ST18: variants seen among roughly 807,000 people sequenced by gnomAD.
ST18 encodes ST18 C2H2C-type zinc finger transcription factor, also known as suppression of tumorigenicity 18 protein.
In ST18, 50 loss-of-function variants were observed where a neutral mutation model predicts 110.0. The ratio of observed to expected loss-of-function variants is 0.45; its 90% CI spans 0.36 to 0.58. The LOEUF is 0.58. ST18 is among the 20% of genes least tolerant of loss of function. The pLI is 0.00. For synonymous variants in ST18, 461 were observed against 452.4 expected (o/e 1.02, Z -0.24); for missense variants, 1,306 against 1,280.1 (o/e 1.02, Z -0.31).
At chr8:52,287,223 T>C (rs990877254) in intron 2 of ST18, among the ~76,000 whole-genome samples, 2 of 152,224 alleles carry the variant, frequency 1.3e-5, no homozygotes, top group African/African-American at 2.4e-5. Context: ...CAAATTTCTA[T>C]GTACATAGAA....
At chr8:52,376,193 CTACTCAGAG>C (rs1314075852) in intron 2 of ST18, among the ~76,000 whole-genome samples, 4 of 152,206 alleles carry the variant, frequency 2.6e-5, no homozygotes, top group African/African-American at 7.2e-5. Flanking sequence ...TTTCCCCACA[CTACTCAGAG>C]TACAAGCCAA....
chr8:52,190,757 T>C (rs1242183522), intron 8 of ST18, among the ~76,000 whole-genome samples: 1 of 152,106 alleles, frequency 6.6e-6, no homozygotes, highest in Non-Finnish European at 1.5e-5. Flanking sequence ...GACCATCCCA[T>C]TGTAAATGTT....
chr8:52,379,606 GA>G (rs898266153), intron 2 of ST18, among the ~76,000 whole-genome samples: 2 of 150,030 alleles, frequency 1.3e-5, no homozygotes, highest in Non-Finnish European at 3.0e-5. Flanking sequence ...GGTAAATATT[GA>G]AAAAAAATTA....
chr8:52,124,861 A>AGCTCGAGT (rs3030265), intron 23 of ST18, among the ~76,000 whole-genome samples: 44,394 of 151,338 alleles, frequency 0.29, 9,746 homozygotes, highest in African/African-American at 0.63. Context: ...AACAGTAGGA[A>AGCTCGAGT]GCTTTCCCTC....
chr8:52,136,684 C>T (rs2131763642), intron 18 of ST18, 26 bp from the exon 19 acceptor site: 1 of 1,573,932 alleles, frequency 6.4e-7, no homozygotes, highest in East Asian at 2.3e-5. Context: ...GAAAAAAACA[C>T]AACACAACAC....
At chr8:52,282,512 G>C (rs1470013084) in intron 2 of ST18, among the ~76,000 whole-genome samples, 3 of 152,158 alleles carry the variant, frequency 2.0e-5, no homozygotes, top group Non-Finnish European at 4.4e-5. Flanking sequence ...AACGCACTAA[G>C]GATAGCCCCA....
At chr8:52,392,433 T>C (rs1287429814) in intron 2 of ST18, among the ~76,000 whole-genome samples, 1 of 152,044 alleles carries the variant, frequency 6.6e-6, no homozygotes, top group Non-Finnish European at 1.5e-5. Context: ...ACATGAGGCA[T>C]GAGGTTAGCA....
At chr8:52,348,416 C>A (rs569414713) in intron 2 of ST18, among the ~76,000 whole-genome samples, 1 of 148,324 alleles carries the variant, frequency 6.7e-6, no homozygotes, top group Non-Finnish European at 1.5e-5. Context: ...ACTGTCCTGT[C>A]TTCTTCTATT....
chr8:52,141,920 CG>C (rs1563650764), intron 17 of ST18, among the ~76,000 whole-genome samples: 1 of 152,096 alleles, frequency 6.6e-6, no homozygotes, highest in Non-Finnish European at 1.5e-5. Flanking sequence ...GGTCCCAGGA[CG>C]GAGATCAGAG....
At chr8:52,172,672 C>G in intron 9 of ST18, 89 bp from the exon 10 acceptor site, 1 of 948,116 alleles carries the variant, frequency 1.1e-6, no homozygotes, top group Non-Finnish European at 1.5e-6. Flanking sequence ...TAAACATATG[C>G]ATTCACATAC....
At chr8:52,243,739 A>G (rs1253558619) in intron 2 of ST18, among the ~76,000 whole-genome samples, 2 of 152,338 alleles carry the variant, frequency 1.3e-5, no homozygotes, top group South Asian at 2.1e-4. Flanking sequence ...ATTGCCACAT[A>G]TATCATCATT....
At position 52,197,661 on chromosome 8, in the gene ST18, A is replaced by G. The variant is rs140350375; in HGVS notation, c.86+14418T>C. ...AAATCTGAAGAAGGAAAGATAAAAT[A>G]AAAAGAAGGAACAGTGAGAAAGAGT... On this transcript the variant is annotated intron_variant, in intron 8 of 25. Coordinates refer to ENST00000689386, the MANE Select transcript of ST18 (RefSeq NM_001352837.2). Among the ~76,000 whole-genome samples, 630 of 152,300 alleles carry G rather than the reference A, an allele frequency of 4.1e-3. 7 individuals carry two copies. The highest frequency in any genetic ancestry group is 0.015 in the African/African-American group (609 of 41,564).
intron 8 of ST18, among the ~76,000 whole-genome samples, chr8:52,200,169 A>C (rs1341742495): frequency 7.0e-6 from 1 of 143,082 alleles, no homozygotes; most frequent in Non-Finnish European, 1.5e-5. Flanking sequence ...CCTGCTCCAC[A>C]AAACTTATAT....
chr8:52,269,992 C>CA (rs1490619980), intron 2 of ST18, among the ~76,000 whole-genome samples: 1 of 150,668 alleles, frequency 6.6e-6, no homozygotes, highest in Non-Finnish European at 1.5e-5. Context: ...TTAATCATGG[C>CA]AAAACCACAT....
At chr8:52,223,065 T>C (rs904233847) in intron 3 of ST18, among the ~76,000 whole-genome samples, 4 of 152,322 alleles carry the variant, frequency 2.6e-5, no homozygotes, top group African/African-American at 7.2e-5. Flanking sequence ...GATGATGACA[T>C]GGCTTCGCTT....
chr8:52,144,825 T>A (rs2056655810), intron 16 of ST18, among the ~76,000 whole-genome samples: 2 of 152,110 alleles, frequency 1.3e-5, no homozygotes, highest in Admixed American at 6.5e-5. Context: ...GATTAACACT[T>A]ACCTTTCAAA....
chr8:52,118,290 C>T lies in ST18; in HGVS notation c.2859+48G>A, dbSNP rs115719971. ...TAAAATTTCAATGTTTTGTTTCCAC[C>T]AAAGATTATGATTACATTAAGGATC... is the stretch of plus-strand genomic sequence containing the variant. On this transcript the variant is annotated intron_variant, in intron 24 of 25. Coordinates refer to ENST00000689386, the MANE Select transcript of ST18 (RefSeq NM_001352837.2). 1.5e-3 allele frequency: 1,969 copies of T among 1,292,568 alleles called. 26 individuals carry two copies. In the African/African-American group the frequency reaches 0.027, roughly 18 times the overall value. The allele number at this position is 1,292,568 out of a possible 1,614,324, so 80.1% of individuals were successfully genotyped here.
At chr8:52,288,234 G>T (rs2095500269) in intron 2 of ST18, among the ~76,000 whole-genome samples, 1 of 152,198 alleles carries the variant, frequency 6.6e-6, no homozygotes, top group Non-Finnish European at 1.5e-5. Flanking sequence ...CCACTGTGAT[G>T]TGCTGGGTGG....
intron 2 of ST18, among the ~76,000 whole-genome samples, chr8:52,383,096 T>C (rs1274433401): frequency 2.6e-5 from 4 of 152,160 alleles, no homozygotes; most frequent in Non-Finnish European, 5.9e-5. Flanking sequence ...CTACTGAACT[T>C]GAAGCAAGCA....
Sources: allele counts gnomAD v4.1 joint callset (sites outside exome capture counted in the v4.1 genomes callset), GRCh38; gene constraint gnomAD v4.1.1; transcripts MANE v1.5; gene names NCBI Gene and HGNC (gene_info 2026-07-23, HGNC 2026-07-21).